PSMD3: variants seen among roughly 807,000 people sequenced by gnomAD.
PSMD3 encodes proteasome 26S subunit, non-ATPase 3.
A neutral mutation model predicts 62.8 loss-of-function variants in PSMD3; 5 were observed. That is an observed-to-expected ratio of 0.08 (90% confidence interval 0.04 to 0.17). The LOEUF is 0.17. Ranked by LOEUF, PSMD3 falls within the 10% of genes least tolerant of loss-of-function variation. PSMD3 has a pLI of 1.00. For missense variants in PSMD3, 524 were observed against 713.6 expected (o/e 0.73, Z 3.03); for synonymous variants, 265 against 283.9 (o/e 0.93, Z 0.67).
Position 39,997,640 on chromosome 17 carries a change from C to T in PSMD3, c.*59C>T, listed in dbSNP as rs545335429. ...GACAGGCTCTTTCCCCCTTGGGGGT[C>T]CCCTGCCCAGGGCACTGTCCCCATT... On this transcript the variant is annotated 3_prime_UTR_variant, in exon 12 of 12. Coordinates refer to ENST00000264639, the MANE Select transcript of PSMD3 (RefSeq NM_002809.4). 3 of 1,556,000 alleles carry T rather than the reference C, an allele frequency of 1.9e-6. No individual in the cohort carries two copies. Among genetic ancestry groups the T allele is most frequent in the Admixed American group, 3.4e-5 (2 of 58,136 alleles).
Position 39,981,046 on chromosome 17 carries a change from C to G in PSMD3, c.76C>G (p.Pro26Ala). ...GCCGCCCGGCGGAGGAGAACAAGAA[C>G]CCCCACCGCCGCCGGCCCCCCAGGA... The part of the protein sequence containing the change: ...KPPPGGGEQE[P>A]PPPPAPQDVE... The change falls in exon 1 of 12, where the codon CCC (proline) becomes GCC (alanine). Residue 26 changes from proline to alanine, a missense_variant. Physicochemically the swap from Pro to Ala is conservative, Grantham distance 27 (BLOSUM62 -1). Around this residue, in one of 4 missense-constraint regions of PSMD3, gnomAD observed 396 missense variants for 475.8 expected, o/e 0.83. Coordinates refer to ENST00000264639, the MANE Select transcript of PSMD3 (RefSeq NM_002809.4). 1 of 1,549,668 alleles carries G rather than the reference C, an allele frequency of 6.5e-7. No homozygotes were observed. The highest frequency in any genetic ancestry group is 8.7e-7 in the Non-Finnish European group (1 of 1,146,684).
Position 39,996,112 on chromosome 17 carries a change from C to G in PSMD3, c.1321-71C>G. On this transcript the variant is annotated intron_variant, in intron 9 of 11. Transcript: ENST00000264639. The surrounding 1 kb of genome is among the most constrained non-coding windows in gnomAD (Gnocchi z 5.1). ...CTCCTGCCTGGGTGACAGAGCGAGA[C>G]TCCATCTCAAAAAAAAAAAAAAAGA... 7 of 1,560,468 alleles carry G rather than the reference C, an allele frequency of 4.5e-6. No homozygotes were observed. The highest frequency in any genetic ancestry group is 6.1e-6 in the Non-Finnish European group (7 of 1,145,626).
intron 1 of PSMD3, among the ~76,000 whole-genome samples, chr17:39,981,913 T>G: frequency 6.6e-6 from 1 of 152,186 alleles, no homozygotes; most frequent in South Asian, 2.1e-4. Context: ...CTGTTTCGAG[T>G]GTCTGTAGTC....
chr17:39,981,910 G>A (rs1980395668), intron 1 of PSMD3, among the ~76,000 whole-genome samples: 1 of 151,980 alleles, frequency 6.6e-6, no homozygotes, highest in African/African-American at 2.4e-5. Flanking sequence ...TTCCTGTTTC[G>A]AGTGTCTGTA....
intron 1 of PSMD3, 122 bp downstream of exon 1, chr17:39,981,312 G>C: frequency 1.4e-6 from 2 of 1,463,054 alleles, no homozygotes; most frequent in South Asian, 1.3e-5. Flanking sequence ...ATCACCCCCA[G>C]ATACCTGCTC....
chr17:39,988,947 T>C, intron 4 of PSMD3, 128 bp downstream of exon 4: 1 of 1,268,708 alleles, frequency 7.9e-7, no homozygotes, highest in Non-Finnish European at 1.1e-6. Context: ...GGGCAGTGGT[T>C]CCCATGCCCT....
Position 39,981,098 on chromosome 17 carries a change from C to G in PSMD3, c.128C>G (p.Thr43Arg). The change falls in exon 1 of 12, where the codon ACG becomes AGG. Residue 43 changes from threonine to arginine, a missense_variant. This residue lies in a region of PSMD3 where 396 missense variants were observed against 475.8 expected (regional missense o/e 0.83). Transcript: ENST00000264639. ...GTGGAGATGAAAGAGGAGGCAGCGACGGGTGGCGGGTCGACGGGGGAGGCA... is the reference window on the plus strand; with the variant it reads ...GTGGAGATGAAAGAGGAGGCAGCGAGGGGTGGCGGGTCGACGGGGGAGGCA... ...QDVEMKEEAA[T>R]GGGSTGEADG... 6.4e-7 allele frequency: 1 copy of G among 1,550,654 alleles called. No homozygotes were observed. The highest frequency in any genetic ancestry group is 8.7e-7 in the Non-Finnish European group (1 of 1,146,676).
chr17:39,988,124 C>T (rs1037952384), intron 3 of PSMD3, among the ~76,000 whole-genome samples: 2 of 152,098 alleles, frequency 1.3e-5, no homozygotes, highest in South Asian at 2.1e-4. Flanking sequence ...ATAAAGTATA[C>T]TACAATTGAG....
chr17:39,981,051 ACCG>A lies in PSMD3; in HGVS notation c.88_90del (p.Pro30del). 4 of 1,549,406 alleles carry A rather than the reference ACCG, an allele frequency of 2.6e-6. No individual in the cohort carries two copies. Among genetic ancestry groups the A allele is most frequent in the Non-Finnish European group, 3.5e-6 (4 of 1,146,594 alleles). On this transcript the variant is annotated inframe_deletion, in exon 1 of 12. Coordinates refer to ENST00000264639, the MANE Select transcript of PSMD3 (RefSeq NM_002809.4). ...CCGGCGGAGGAGAACAAGAACCCCC[ACCG>A]CCGCCGGCCCCCCAGGATGTGGAGA...
In PSMD3 at chr17:39,997,935, A is replaced by C. The variant is rs1319227407; in HGVS notation, c.*354A>C. The C allele has an allele frequency of 3.2e-6, 1 of 313,480 alleles. No individual in the cohort carries two copies. Among genetic ancestry groups the C allele is most frequent in the Non-Finnish European group, 6.1e-6 (1 of 162,824 alleles). The allele number at this position is 313,480 out of a possible 1,614,324, so 19.4% of individuals were successfully genotyped here. On this transcript the variant is annotated 3_prime_UTR_variant, in exon 12 of 12. Transcript: ENST00000264639. ...TTTTGAAGCTTCGATTATGATTTTT[A>C]AACAATAAAAAGTTCTCCACAGTGC...
At position 39,995,995 on chromosome 17, in the gene PSMD3, T is replaced by C. The variant is rs1326542073; in HGVS notation, c.1321-188T>C. 3.0e-6 allele frequency: 2 copies of C among 672,012 alleles called. No homozygotes were observed. The highest frequency in any genetic ancestry group is 1.8e-5 in the African/African-American group (1 of 54,766). The allele number at this position is 672,012 out of a possible 1,614,324, so 41.6% of individuals were successfully genotyped here. A position where few individuals can be genotyped will look rare whatever the true frequency, so the allele number is the denominator to read the frequency against. On this transcript the variant is annotated intron_variant, in intron 9 of 11. Transcript: ENST00000264639. The surrounding 1 kb of genome is among the most constrained non-coding windows in gnomAD (Gnocchi z 4.1). The stretch of plus-strand genomic sequence containing the variant: ...TTAGCCAGGCCTGGTGGCAGGTTCC[T>C]GTAATCCCAGCTACTTGGGAGGCTG...
At position 39,984,493 on chromosome 17, in the gene PSMD3, G is replaced by C. The variant is rs1320371593; in HGVS notation, c.411+9G>C. The C allele has an allele frequency of 6.2e-7, 1 of 1,607,054 alleles. No homozygotes were observed. Among genetic ancestry groups the C allele is most frequent in the Non-Finnish European group, 8.5e-7 (1 of 1,175,232 alleles). ...TCCCCTTCCTGGAAGAGGTGAGTGA[G>C]TCAGGCCAACTTAAAGGGTGCAGGC... is the stretch of plus-strand genomic sequence containing the variant. On this transcript the variant is annotated intron_variant, in intron 2 of 11. Transcript: ENST00000264639.
At chr17:39,993,692 A>T (rs1316614769) in intron 6 of PSMD3, 1 of 152,306 alleles carries the variant, frequency 6.6e-6, no homozygotes, top group Admixed American at 6.5e-5. Context: ...CCTCTCCAGC[A>T]GCCCAGCTTA....
At chr17:39,988,304 G>T (rs552125055) in intron 3 of PSMD3, among the ~76,000 whole-genome samples, 1 of 152,112 alleles carries the variant, frequency 6.6e-6, no homozygotes, top group African/African-American at 2.4e-5. Context: ...ACTTACTCTG[G>T]ACATTTCATG....
rs754217490 is a variant in PSMD3 at position 39,981,141 on chromosome 17, G to A, written c.171G>A (p.Ala57=). The stretch of plus-strand genomic sequence containing the variant: ...GGGAGGCAGACGGCAAGACGGCGGC[G>A]GCAGCGGCTGAGCACTCCCAGCGAG... ...STGEADGKTA[A]AAAEHSQREL... is the part of the protein sequence containing the mutation. The change falls in exon 1 of 12, where the codon GCG becomes GCA. Residue 57 remains alanine, a synonymous_variant. Coordinates refer to ENST00000264639, the MANE Select transcript of PSMD3 (RefSeq NM_002809.4). The A allele has an allele frequency of 2.6e-6, 4 of 1,550,724 alleles. No homozygotes were observed. Among genetic ancestry groups the A allele is most frequent in the South Asian group, 2.4e-5 (2 of 84,056 alleles).
At chr17:39,982,545 A>G (rs1278985251) in intron 1 of PSMD3, among the ~76,000 whole-genome samples, 1 of 152,254 alleles carries the variant, frequency 6.6e-6, no homozygotes, top group Non-Finnish European at 1.5e-5. Context: ...TTCCAGAAAC[A>G]TTTATTGAAT....
At position 39,995,443 on chromosome 17, in the gene PSMD3, C is replaced by T; in HGVS notation, c.1236C>T (p.Leu412=). Residue 412 remains leucine (L), a synonymous_variant, in exon 9 of 12, where the codon CTC becomes CTT. Coordinates refer to ENST00000264639, the MANE Select transcript of PSMD3 (RefSeq NM_002809.4). This position sits in a 1 kb window ranked among gnomAD's most constrained non-coding sequence, Gnocchi z 4.1. The part of the protein sequence containing the change: ...VIKTGVRMIS[L]SYSRISLADI... ...TCCCAGGTGTACGCATGATCAGCCT[C>T]TCCTATTCCCGAATCTCCTTGGCTG... 6.2e-7 allele frequency: 1 copy of T among 1,614,104 alleles called. No individual in the cohort carries two copies. The highest frequency in any genetic ancestry group is 8.5e-7 in the Non-Finnish European group (1 of 1,179,940).
chr17:39,986,739 C>A, intron 3 of PSMD3, 27 bp downstream of exon 3: 1 of 1,612,622 alleles, frequency 6.2e-7, no homozygotes, highest in South Asian at 1.1e-5. Context: ...GAGAGCGATT[C>A]ATAAGCCCCA....
chr17:39,983,080 T>G (rs990268881), intron 1 of PSMD3, among the ~76,000 whole-genome samples: 6 of 152,070 alleles, frequency 3.9e-5, no homozygotes, highest in Non-Finnish European at 7.4e-5. Flanking sequence ...TTGCCCAGGC[T>G]GGAGTGCAAT....
Sources: allele counts gnomAD v4.1 joint callset (sites outside exome capture counted in the v4.1 genomes callset), GRCh38; gene constraint gnomAD v4.1.1; regional missense constraint gnomAD v4.1.1; non-coding constraint Gnocchi (gnomAD v3.1); transcripts MANE v1.5; gene names NCBI Gene and HGNC (gene_info 2026-07-23, HGNC 2026-07-21).